The following MBP variants were observed in gnomAD, a reference collection of about 807,000 sequenced individuals.
MBP encodes the protein Golli-MBP.
In MBP, 16 loss-of-function variants were observed where a neutral mutation model predicts 35.8. That is an observed-to-expected ratio of 0.45 (90% CI 0.30 to 0.68). The LOEUF is 0.68. MBP is among the 30% of genes least tolerant of loss of function. The probability of loss-of-function intolerance (pLI) is 0.08; values close to 1 mark genes in which losing one functional copy is unlikely to be tolerated. For synonymous variants in MBP, 143 were observed against 159.6 expected (o/e 0.90, Z 0.78); for missense variants, 380 against 404.7 (o/e 0.94, Z 0.52).
chr18:77,035,121 C>T (rs1972705981), intron 3 of MBP, among the ~76,000 whole-genome samples: 1 of 152,210 alleles, frequency 6.6e-6, no homozygotes, highest in South Asian at 2.1e-4. Flanking sequence ...CTCCGGGGCA[C>T]AGGCTGTGTG....
chr18:77,100,872 T>C (rs1195369396), intron 2 of MBP, among the ~76,000 whole-genome samples: 1 of 151,950 alleles, frequency 6.6e-6, no homozygotes, highest in Non-Finnish European at 1.5e-5. Flanking sequence ...GTTTTGAACA[T>C]GTAGTGAATC....
chr18:76,989,713 A>G lies in MBP; in HGVS notation c.681+243T>C, dbSNP rs922159551. On this transcript the variant is annotated intron_variant, in intron 5 of 8. Coordinates refer to ENST00000355994, the MANE Select transcript of MBP (RefSeq NM_001025101.2). This position sits in a 1 kb window ranked among gnomAD's most constrained non-coding sequence, Gnocchi z 4.0. ...AGCGTTACATGGGAGCCTAATCTCA[A>G]GAGAAGTGAGCTCTCTGGAGAACGC... 1 of 484,350 alleles carries G rather than the reference A, an allele frequency of 2.1e-6. No individual in the cohort carries two copies. Among genetic ancestry groups the G allele is most frequent in the Non-Finnish European group, 3.7e-6 (1 of 269,168 alleles). The allele number at this position is 484,350 out of a possible 1,614,324, so 30.0% of individuals were successfully genotyped here. A position where few individuals can be genotyped will look rare whatever the true frequency, so the allele number is the denominator to read the frequency against.
chr18:77,023,277 G>C (rs2123520946), intron 3 of MBP, among the ~76,000 whole-genome samples: 1 of 152,320 alleles, frequency 6.6e-6, no homozygotes, highest in East Asian at 1.9e-4. Context: ...CATGACCTGA[G>C]GAAGCTCATC....
intron 1 of MBP, among the ~76,000 whole-genome samples, chr18:77,118,197 G>T: frequency 1.1e-5 from 1 of 92,438 alleles, no homozygotes; most frequent in African/African-American, 4.5e-5. Flanking sequence ...GGGACAGTGG[G>T]TTGGGGTGGG....
intron 2 of MBP, among the ~76,000 whole-genome samples, chr18:77,075,682 G>A (rs993569000): frequency 6.6e-6 from 1 of 152,210 alleles, no homozygotes; most frequent in African/African-American, 2.4e-5. Context: ...CATCTTGAAT[G>A]CCCACATGGA....
intron 3 of MBP, among the ~76,000 whole-genome samples, chr18:77,035,933 G>A (rs1407887135): frequency 1.3e-5 from 2 of 152,196 alleles, no homozygotes; most frequent in African/African-American, 4.8e-5. Context: ...GAACTTACTA[G>A]GACAGGCTCC....
chr18:77,000,729 G>T (rs932513977), intron 4 of MBP, among the ~76,000 whole-genome samples: 1 of 151,944 alleles, frequency 6.6e-6, no homozygotes, highest in East Asian at 1.9e-4. Flanking sequence ...TTTTGTTTTT[G>T]TTTTTTTATT....
chr18:77,080,753 A>T (rs1409134625), intron 2 of MBP, among the ~76,000 whole-genome samples: 2 of 152,066 alleles, frequency 1.3e-5, no homozygotes, highest in Non-Finnish European at 2.9e-5. Flanking sequence ...GTACAATCTC[A>T]GCTCACTGCA....
chr18:76,988,532 AT>A lies in MBP; in HGVS notation c.718-6del. On this transcript the variant is annotated splice_region_variant and splice_polypyrimidine_tract_variant and intron_variant, in intron 6 of 8. Transcript: ENST00000355994. This position sits in a 1 kb window ranked among gnomAD's most constrained non-coding sequence, Gnocchi z 5.2. ...GCTCAGGGACAGTCCTCTCCCCTGC[AT>A]GAGGAAGACAGAGAAATAATGACAT... The A allele has an allele frequency of 1.2e-6, 2 of 1,611,122 alleles. No individual in the cohort carries two copies. Among genetic ancestry groups the A allele is most frequent in the Non-Finnish European group, 1.7e-6 (2 of 1,177,774 alleles).
intron 3 of MBP, among the ~76,000 whole-genome samples, chr18:77,029,277 GGC>G (rs1171243190): frequency 6.7e-6 from 1 of 149,098 alleles, no homozygotes; most frequent in Non-Finnish European, 1.5e-5. Context: ...CAGGCGTGGC[GGC>G]GCGCGCCTGC....
At chr18:77,060,839 T>A (rs1973949618) in intron 3 of MBP, among the ~76,000 whole-genome samples, 1 of 152,166 alleles carries the variant, frequency 6.6e-6, no homozygotes, top group Non-Finnish European at 1.5e-5. Context: ...CACAGAGAGA[T>A]GAAGTCGCAC....
chr18:77,074,174 TG>T (rs1305935464), intron 2 of MBP, among the ~76,000 whole-genome samples: 2 of 152,130 alleles, frequency 1.3e-5, no homozygotes. Flanking sequence ...AGTGCCCACG[TG>T]GGGGCTTCAA....
chr18:76,990,329 G>C (rs1471230315), intron 4 of MBP, among the ~76,000 whole-genome samples: 1 of 152,102 alleles, frequency 6.6e-6, no homozygotes, highest in Non-Finnish European at 1.5e-5. Context: ...TGAAGAGTTA[G>C]AGGGGTAGGA....
At chr18:76,994,664 G>A (rs114737718) in intron 4 of MBP, among the ~76,000 whole-genome samples, 8,749 of 152,290 alleles carry the variant, frequency 0.057, 284 homozygotes, top group East Asian at 0.14. Context: ...TACACATGAT[G>A]TTGGTAGGTT....
chr18:77,132,619 G>A lies in MBP; in HGVS notation c.-65C>T, dbSNP rs1002351822. On this transcript the variant is annotated 5_prime_UTR_variant, in exon 1 of 9. Coordinates refer to ENST00000355994, the MANE Select transcript of MBP (RefSeq NM_001025101.2). Reference sequence around the variant, plus strand: ...TTGCTCCGAGGCCGAGGGGCGCCGCGGGGTCCAAGGCCCTGCTCCGCCTGC... The same window carrying A: ...TTGCTCCGAGGCCGAGGGGCGCCGCAGGGTCCAAGGCCCTGCTCCGCCTGC... 8.5e-5 allele frequency: 13 copies of A among 152,244 alleles called. No individual in the cohort carries two copies. Among genetic ancestry groups the A allele is most frequent in the African/African-American group, 2.4e-4 (10 of 41,418 alleles). The allele number at this position is 152,244 out of a possible 1,614,324, so 9.4% of individuals were successfully genotyped here. A position where few individuals can be genotyped will look rare whatever the true frequency, so the allele number is the denominator to read the frequency against.
At chr18:77,008,827 C>T (rs554259564) in intron 4 of MBP, among the ~76,000 whole-genome samples, 2 of 152,338 alleles carry the variant, frequency 1.3e-5, no homozygotes, top group East Asian at 1.9e-4. Flanking sequence ...CCACACCTGG[C>T]GGACGCTTCC....
At chr18:77,019,032 TCATCCATCCATCCATCCATCCATC>T (rs10526394) in intron 3 of MBP, among the ~76,000 whole-genome samples, 17 of 138,784 alleles carry the variant, frequency 1.2e-4, no homozygotes, top group East Asian at 8.7e-4. Flanking sequence ...ACCTACCTGT[TCATCCATCCATCCATCCATCCATC>T]CATCCATCCA....
At chr18:77,018,839 CCCATCCAT>C (rs1353332090) in intron 3 of MBP, among the ~76,000 whole-genome samples, 2 of 134,056 alleles carry the variant, frequency 1.5e-5, no homozygotes, top group Non-Finnish European at 3.2e-5. Context: ...CATATATCCA[CCCATCCAT>C]CCATCCACTC....
intron 2 of MBP, among the ~76,000 whole-genome samples, chr18:77,087,900 G>A (rs1036332147): frequency 2.0e-5 from 3 of 152,138 alleles, no homozygotes; most frequent in African/African-American, 2.4e-5. Context: ...CTGACACCCC[G>A]CGGGGCAGGG....
Sources: gnomAD v4.1 joint callset for allele counts (sites outside exome capture counted in the v4.1 genomes callset) on GRCh38, gnomAD v4.1.1 for gene constraint, Gnocchi (gnomAD v3.1) non-coding constraint, MANE v1.5 for transcripts, NCBI Gene and HGNC (gene_info 2026-07-23, HGNC 2026-07-21) for gene names.